The following ADGRE1 variants were observed in gnomAD, a reference collection of about 807,000 sequenced individuals.
ADGRE1 encodes the protein adhesion G protein-coupled receptor E1, also known as EGF-like module receptor 1.
In ADGRE1, 82 loss-of-function variants were observed where a neutral mutation model predicts 102.7. The ratio of observed to expected loss-of-function variants is 0.80; its 90% CI spans 0.67 to 0.96. The LOEUF is 0.96. ADGRE1 is among the 40% of genes least tolerant of loss of function. The pLI is 0.00. For synonymous variants in ADGRE1, 398 were observed against 399.6 expected, an observed-to-expected ratio of 1.00 and a Z score of 0.05; for missense variants, 1,032 against 1,085.3, an observed-to-expected ratio of 0.95 and a Z score of 0.69.
chr19:6,895,293 A>G (rs1331046132), intron 2 of ADGRE1: 3 of 152,220 alleles, frequency 2.0e-5, no homozygotes, highest in Non-Finnish European at 2.9e-5. Flanking sequence ...CCTTGGCCAG[A>G]TTTTCACCAG....
chr19:6,905,092 C>A (rs1042620863), intron 8 of ADGRE1, among the ~76,000 whole-genome samples: 1 of 152,050 alleles, frequency 6.6e-6, no homozygotes, highest in Non-Finnish European at 1.5e-5. Flanking sequence ...TACCTATAAA[C>A]AGCACTTTGG....
intron 18 of ADGRE1, among the ~76,000 whole-genome samples, chr19:6,936,125 T>G (rs184449212): frequency 1.3e-5 from 2 of 152,246 alleles, no homozygotes; most frequent in African/African-American, 4.8e-5. Context: ...TTAAATATGT[T>G]TGAAAAGTTA....
intron 14 of ADGRE1, among the ~76,000 whole-genome samples, chr19:6,924,114 G>C (rs57675929): frequency 0.21 from 31,197 of 150,724 alleles, 3,284 homozygotes; most frequent in Middle Eastern, 0.23. Flanking sequence ...TTAACACAGG[G>C]AATTGGGTGC....
chr19:6,921,761 G>T lies in ADGRE1; in HGVS notation c.1669G>T (p.Val557Leu), dbSNP rs2144982806. Residue 557 changes from valine (V) to leucine (L), a missense_variant, in exon 14 of 21, where the codon GTG (valine) becomes TTG (leucine). Physicochemically the swap from Val to Leu is conservative, Grantham distance 32. Coordinates refer to ENST00000312053, the MANE Select transcript of ADGRE1 (RefSeq NM_001974.5). ...RPICVSWSTD[V>L]KGGRWTSFGC... is the part of the protein sequence containing the mutation. Reference sequence around the variant, plus strand: ...CATCTGTGTTTCCTGGAGCACTGATGTGAAGGGTGGAAGATGGACATCCTT... The same window carrying T: ...CATCTGTGTTTCCTGGAGCACTGATTTGAAGGGTGGAAGATGGACATCCTT... 1.2e-6 allele frequency: 2 copies of T among 1,614,036 alleles called. No individual in the cohort carries two copies. The highest frequency in any genetic ancestry group is 1.7e-6 in the Non-Finnish European group (2 of 1,179,956).
At chr19:6,939,564 GT>G (rs1169366241) in intron 20 of ADGRE1, among the ~76,000 whole-genome samples, 1 of 152,084 alleles carries the variant, frequency 6.6e-6, no homozygotes, top group African/African-American at 2.4e-5. Flanking sequence ...ACATTTTATT[GT>G]ATTTTCATGG....
rs112606037 is a variant in ADGRE1 at position 6,894,370 on chromosome 19, T to C, written c.95-2028T>C. ...ATGAAGGAGCAACTCACTGAAACAATCAAGCAGTCACGGTTTTGATGAATT... is the reference window on the plus strand; with the variant it reads ...ATGAAGGAGCAACTCACTGAAACAACCAAGCAGTCACGGTTTTGATGAATT... On this transcript the variant is annotated intron_variant, in intron 2 of 20. Transcript: ENST00000312053. Among the ~76,000 whole-genome samples the C allele has an allele frequency of 1.3e-3, 192 of 152,162 alleles. 1 individual carries two copies. Among genetic ancestry groups the C allele is most frequent in the African/African-American group, 4.4e-3 (182 of 41,510 alleles).
chr19:6,906,906 T>A (rs1489945131), intron 9 of ADGRE1, among the ~76,000 whole-genome samples: 1 of 152,156 alleles, frequency 6.6e-6, no homozygotes, highest in East Asian at 1.9e-4. Flanking sequence ...CCCACCTAGC[T>A]GCAAGGGAAG....
chr19:6,917,177 C>A (rs1390229079), intron 12 of ADGRE1, among the ~76,000 whole-genome samples: 1 of 152,172 alleles, frequency 6.6e-6, no homozygotes, highest in Admixed American at 6.5e-5. Flanking sequence ...AGGTGACAAC[C>A]AGATTGGCCC....
chr19:6,927,982 C>T (rs1974989348), intron 16 of ADGRE1, among the ~76,000 whole-genome samples, 163 bp from the exon 17 acceptor site: 3 of 152,098 alleles, frequency 2.0e-5, no homozygotes, highest in Non-Finnish European at 2.9e-5. Context: ...AAAGAGGAAG[C>T]GCAGTGATCT....
chr19:6,908,089 C>A (rs1006269079), intron 9 of ADGRE1, among the ~76,000 whole-genome samples: 3 of 152,208 alleles, frequency 2.0e-5, no homozygotes, highest in Admixed American at 2.0e-4. Context: ...GAACACCTGC[C>A]CAGCCCAGGG....
intron 10 of ADGRE1, among the ~76,000 whole-genome samples, chr19:6,909,657 C>T (rs184373328): frequency 3.0e-4 from 46 of 152,212 alleles, no homozygotes; most frequent in Admixed American, 2.0e-4. Context: ...TTATCCATCT[C>T]AAGAACTTTC....
rs979565730 is a variant in ADGRE1 at position 6,939,951 on chromosome 19, A to C, written c.2656-73A>C. 3 of 1,510,426 alleles carry C rather than the reference A, an allele frequency of 2.0e-6. No individual in the cohort carries two copies. The African/African-American group carries it at 4.1e-5, about 21-fold the overall frequency. 93.6% of individuals were successfully genotyped at this position (1,510,426 alleles called of 1,614,324 possible). A position where few individuals can be genotyped will look rare whatever the true frequency, so the allele number is the denominator to read the frequency against. ...GTATTTTTAATACTTCTGTCCCTGTAGACATGACCCTTGGAATCACGTTTG... is the reference window on the plus strand; with the variant it reads ...GTATTTTTAATACTTCTGTCCCTGTCGACATGACCCTTGGAATCACGTTTG... On this transcript the variant is annotated intron_variant, in intron 20 of 20. Coordinates refer to ENST00000312053, the MANE Select transcript of ADGRE1 (RefSeq NM_001974.5).
At chr19:6,935,590 A>G (rs1568366297) in intron 18 of ADGRE1, among the ~76,000 whole-genome samples, 1 of 152,150 alleles carries the variant, frequency 6.6e-6, no homozygotes, top group Non-Finnish European at 1.5e-5. Flanking sequence ...AAGTCATACC[A>G]TATTCATGGA....
chr19:6,939,088 G>A lies in ADGRE1; in HGVS notation c.2656-936G>A, dbSNP rs570536032. 7.2e-5 allele frequency among the ~76,000 whole-genome samples: 11 copies of A among 152,130 alleles called. No individual in the cohort carries two copies. The East Asian group carries it at 1.5e-3, about 21-fold the overall frequency. On this transcript the variant is annotated intron_variant, in intron 20 of 20. Coordinates refer to ENST00000312053, the MANE Select transcript of ADGRE1 (RefSeq NM_001974.5). The stretch of plus-strand genomic sequence containing the variant: ...TGGGATTACAGGTGTGAGCCACCAC[G>A]CCCAGCTGGTCTATTTTCATTATGA...
intron 4 of ADGRE1, 39 bp from the exon 5 acceptor site, chr19:6,897,389 C>A (rs376495154): frequency 2.1e-5 from 33 of 1,597,906 alleles, no homozygotes; most frequent in Non-Finnish European, 2.7e-5. Flanking sequence ...CTGAGGCACC[C>A]AATTTCTTAT....
intron 5 of ADGRE1, 85 bp from the exon 6 acceptor site, chr19:6,901,790 A>G: frequency 1.4e-6 from 2 of 1,418,592 alleles, no homozygotes; most frequent in South Asian, 1.2e-5. Context: ...CTGAAAATCA[A>G]CACTCAGAGT....
intron 17 of ADGRE1, 115 bp from the exon 18 acceptor site, chr19:6,934,872 G>A (rs1419319470): frequency 5.6e-6 from 3 of 536,420 alleles, no homozygotes; most frequent in Admixed American, 3.4e-5. Context: ...CTCCCAAAGT[G>A]CTGGGATTAC....
At chr19:6,921,687 T>TC (rs1240555164) in intron 13 of ADGRE1, 26 bp from the exon 14 acceptor site, 1 of 1,486,700 alleles carries the variant, frequency 6.7e-7, no homozygotes, top group African/African-American at 2.2e-5. Flanking sequence ...AAGACCTTTG[T>TC]TTTTTTGTTT....
chr19:6,924,885 CG>C lies in ADGRE1; in HGVS notation c.1986+16del. ...GACTGACAACAAGGTCTACATCGCT[CG>C]GGCTGTGTCCCCACCAAGCCCCATC... On this transcript the variant is annotated intron_variant, in intron 15 of 20. Coordinates refer to ENST00000312053, the MANE Select transcript of ADGRE1 (RefSeq NM_001974.5). 6.2e-7 allele frequency: 1 copy of C among 1,612,814 alleles called. No individual in the cohort carries two copies. The highest frequency in any genetic ancestry group is 1.1e-5 in the South Asian group (1 of 90,908).
Sources: gnomAD v4.1 joint callset for allele counts (sites outside exome capture counted in the v4.1 genomes callset) on GRCh38, gnomAD v4.1.1 for gene constraint, MANE v1.5 for transcripts, NCBI Gene and HGNC (gene_info 2026-07-23, HGNC 2026-07-21) for gene names.